ARPP21: variants seen among roughly 807,000 people sequenced by gnomAD.
ARPP21 encodes the protein cAMP-regulated phosphoprotein 21.
Under a neutral mutation model 113.2 loss-of-function variants are expected in ARPP21, and 69 were observed. That is an observed-to-expected ratio of 0.61 (90% CI 0.50 to 0.74). The LOEUF (loss-of-function observed/expected upper bound fraction) is 0.74, where lower values mean the gene tolerates loss of function less well. Ranked by LOEUF, ARPP21 falls within the 30% of genes least tolerant of loss-of-function variation. The pLI is 0.00. For missense variants in ARPP21, 1,070 were observed against 1,037.4 expected (o/e 1.03, Z -0.43); for synonymous variants, 368 against 375.5 (o/e 0.98, Z 0.23).
chr3:35,769,361 G>A (rs1488358068), intron 19 of ARPP21, among the ~76,000 whole-genome samples: 2 of 152,068 alleles, frequency 1.3e-5, no homozygotes, highest in African/African-American at 2.4e-5. Flanking sequence ...GTAACATAAA[G>A]TAGCAGCCTC....
intron 19 of ARPP21, among the ~76,000 whole-genome samples, chr3:35,773,869 C>G (rs182427328): frequency 6.6e-6 from 1 of 152,076 alleles, no homozygotes; most frequent in African/African-American, 2.4e-5. Flanking sequence ...AATATGGGCA[C>G]TTGTAGCTTT....
intron 13 of ARPP21, among the ~76,000 whole-genome samples, chr3:35,718,254 C>A (rs2092677926): frequency 6.6e-6 from 1 of 152,010 alleles, no homozygotes; most frequent in African/African-American, 2.4e-5. Context: ...TTGATTGAAA[C>A]AAAAAACAGA....
At chr3:35,789,813 C>T (rs1470054143) in intron 19 of ARPP21, among the ~76,000 whole-genome samples, 1 of 152,154 alleles carries the variant, frequency 6.6e-6, no homozygotes, top group Non-Finnish European at 1.5e-5. Context: ...TTAAGGATTG[C>T]TTCTTCTTCC....
In ARPP21 at chr3:35,721,591, T is replaced by A. The variant is rs772590836; in HGVS notation, c.996-14T>A. On this transcript the variant is annotated splice_polypyrimidine_tract_variant and intron_variant, in intron 13 of 20. Coordinates refer to ENST00000684406, the MANE Select transcript of ARPP21 (RefSeq NM_001385562.1). ...ATCCTGTCCCTGTGCATCTTTCTGG[T>A]GGTCGTACTCCAGGGGCAACAGAGA... The A allele has an allele frequency of 6.8e-7, 1 of 1,473,964 alleles. No individual in the cohort carries two copies. Among genetic ancestry groups the A allele is most frequent in the Admixed American group, 1.7e-5 (1 of 59,494 alleles). 91.3% of individuals were successfully genotyped at this position (1,473,964 alleles called of 1,614,324 possible). A position where few individuals can be genotyped will look rare whatever the true frequency, so the allele number is the denominator to read the frequency against.
At chr3:35,758,452 T>G (rs1303555927) in intron 19 of ARPP21, among the ~76,000 whole-genome samples, 1 of 152,088 alleles carries the variant, frequency 6.6e-6, no homozygotes, top group Admixed American at 6.6e-5. Context: ...GCTTTTGTCT[T>G]TTTAATTTCC....
At chr3:35,686,928 A>C (rs916541604) in intron 5 of ARPP21, among the ~76,000 whole-genome samples, 15 of 151,544 alleles carry the variant, frequency 9.9e-5, no homozygotes, top group Non-Finnish European at 1.8e-4. Flanking sequence ...AATAAGAATA[A>C]AAGTGGATCC....
chr3:35,709,249 C>A (rs1045037950), intron 11 of ARPP21, among the ~76,000 whole-genome samples, 179 bp downstream of exon 11: 31 of 152,122 alleles, frequency 2.0e-4, no homozygotes, highest in Admixed American at 2.0e-3. Flanking sequence ...TGATAGAAAC[C>A]TAGCCAAGGG....
chr3:35,737,436 G>T, intron 16 of ARPP21, 74 bp downstream of exon 16: 1 of 964,198 alleles, frequency 1.0e-6, no homozygotes, highest in Non-Finnish European at 1.5e-6. Context: ...GAGCAGCAGA[G>T]AATCAGGGAG....
intron 19 of ARPP21, among the ~76,000 whole-genome samples, chr3:35,776,887 T>C (rs532938472): frequency 3.4e-4 from 52 of 152,300 alleles, no homozygotes; most frequent in African/African-American, 1.2e-3. Context: ...TAGGACCAGC[T>C]TGACCTTCCA....
intron 11 of ARPP21, among the ~76,000 whole-genome samples, chr3:35,713,706 T>TAA (rs2091832434): frequency 6.6e-6 from 1 of 152,164 alleles, no homozygotes; most frequent in African/African-American, 2.4e-5. Context: ...GCAAGGTATC[T>TAA]TTGACTTGCT....
chr3:35,652,937 G>C (rs1703050188), intron 1 of ARPP21, among the ~76,000 whole-genome samples: 1 of 151,962 alleles, frequency 6.6e-6, no homozygotes, highest in Admixed American at 6.6e-5. Flanking sequence ...ATTCTTATCT[G>C]TATAGAAATC....
upstream of ARPP21, among the ~76,000 whole-genome samples, chr3:35,639,380 A>T (rs1697450328): frequency 6.6e-6 from 1 of 151,732 alleles, no homozygotes; most frequent in African/African-American, 2.4e-5. This position sits in a 1 kb window ranked among gnomAD's most constrained non-coding sequence, Gnocchi z 5.0. Context: ...GTCTCCGGCC[A>T]GAGCAGCTGT....
chr3:35,792,307 C>T (rs943008999), intron 19 of ARPP21, 75 bp from the exon 20 acceptor site: 1 of 1,342,654 alleles, frequency 7.4e-7, no homozygotes, highest in African/African-American at 1.4e-5. Flanking sequence ...GCCTTTTGAA[C>T]CAGTAGTTTT....
intron 19 of ARPP21, among the ~76,000 whole-genome samples, chr3:35,751,752 C>T (rs1468684183): frequency 6.6e-6 from 1 of 152,038 alleles, no homozygotes; most frequent in Non-Finnish European, 1.5e-5. Context: ...CTTGTCAGAG[C>T]CAGAGAGGGT....
chr3:35,769,516 C>A (rs945159044), intron 19 of ARPP21, among the ~76,000 whole-genome samples: 2 of 152,144 alleles, frequency 1.3e-5, no homozygotes, highest in African/African-American at 4.8e-5. Context: ...GACACAGCCC[C>A]GCTTTGCTTT....
At chr3:35,773,450 AC>A (rs1292964522) in intron 19 of ARPP21, among the ~76,000 whole-genome samples, 1 of 152,142 alleles carries the variant, frequency 6.6e-6, no homozygotes, top group Non-Finnish European at 1.5e-5. Context: ...TCATGACTTG[AC>A]AATTTATGCC....
chr3:35,670,955 C>G (rs553117581), intron 1 of ARPP21, among the ~76,000 whole-genome samples: 2 of 152,098 alleles, frequency 1.3e-5, no homozygotes, highest in African/African-American at 2.4e-5. Context: ...TTATTCAAAA[C>G]GCTAGTATTT....
At chr3:35,770,738 G>C (rs1429936231) in intron 19 of ARPP21, among the ~76,000 whole-genome samples, 1 of 152,192 alleles carries the variant, frequency 6.6e-6, no homozygotes, top group African/African-American at 2.4e-5. Flanking sequence ...GTAAACAGTA[G>C]CCTGCTGAAT....
intron 19 of ARPP21, among the ~76,000 whole-genome samples, chr3:35,750,172 A>G (rs1465143570): frequency 9.8e-6 from 1 of 101,910 alleles, no homozygotes; most frequent in Non-Finnish European, 2.1e-5. Context: ...TTAATTTGAG[A>G]TTTTTTTCTC....
Sources: gnomAD v4.1 joint callset for allele counts (sites outside exome capture counted in the v4.1 genomes callset) on GRCh38, gnomAD v4.1.1 for gene constraint, Gnocchi (gnomAD v3.1) non-coding constraint, MANE v1.5 for transcripts, NCBI Gene and HGNC (gene_info 2026-07-23, HGNC 2026-07-21) for gene names.